Variants in NKAIN2 observed in about 807,000 individuals in gnomAD.
The protein encoded by NKAIN2 is sodium/potassium transporting ATPase interacting 2, also known as sodium/potassium-transporting ATPase subunit beta-1-interacting protein 2.
A neutral mutation model predicts 32.6 loss-of-function variants in NKAIN2; 14 were observed. The observed-to-expected ratio is 0.43, with a 90% CI of 0.28 to 0.67. NKAIN2 has a LOEUF of 0.67. NKAIN2 is among the 30% of genes least tolerant of loss of function. The pLI, the probability that NKAIN2 is intolerant of heterozygous loss-of-function variation, is 0.17. For synonymous variants in NKAIN2, 80 were observed against 87.2 expected (o/e 0.92, Z 0.46); for missense variants, 198 against 258.3 (o/e 0.77, Z 1.60).
At chr6:124,311,960 C>T (rs1796736317) in intron 2 of NKAIN2, among the ~76,000 whole-genome samples, 1 of 152,140 alleles carries the variant, frequency 6.6e-6, no homozygotes, top group African/African-American at 2.4e-5. Context: ...TAGTGGTTAA[C>T]AGGATTGACC....
intron 1 of NKAIN2, among the ~76,000 whole-genome samples, chr6:124,056,395 C>CA (rs1368801343): frequency 1.4e-5 from 2 of 147,800 alleles, no homozygotes. Context: ...ATTCTTGTCA[C>CA]AAAAAAAACT....
chr6:124,223,020 T>A (rs918262061), intron 1 of NKAIN2, among the ~76,000 whole-genome samples: 1 of 151,982 alleles, frequency 6.6e-6, no homozygotes, highest in Non-Finnish European at 1.5e-5. Flanking sequence ...AAGACCAGCC[T>A]GGCCAACATG....
chr6:124,780,657 T>C (rs1263321522), intron 4 of NKAIN2, among the ~76,000 whole-genome samples: 2 of 152,174 alleles, frequency 1.3e-5, no homozygotes, highest in Non-Finnish European at 2.9e-5. Flanking sequence ...TGTCTTTACC[T>C]TGTGAGCAAA....
At chr6:123,998,763 G>C (rs1384826494) in intron 1 of NKAIN2, among the ~76,000 whole-genome samples, 8 of 150,338 alleles carry the variant, frequency 5.3e-5, no homozygotes, top group African/African-American at 2.0e-4. Context: ...GTGTGTGTGT[G>C]TGTGTGTGTG....
chr6:124,572,429 C>T (rs537343077), intron 3 of NKAIN2, among the ~76,000 whole-genome samples: 9 of 152,268 alleles, frequency 5.9e-5, no homozygotes, highest in African/African-American at 2.2e-4. Context: ...TGAGCAAAAA[C>T]AAATTAGAAA....
intron 5 of NKAIN2, among the ~76,000 whole-genome samples, chr6:124,802,407 CAG>C (rs1172281127): frequency 6.6e-6 from 1 of 152,118 alleles, no homozygotes; most frequent in East Asian, 1.9e-4. Context: ...GCAATTCTAA[CAG>C]GGGAGAACAA....
intron 1 of NKAIN2, among the ~76,000 whole-genome samples, chr6:124,221,887 G>T (rs1791850732): frequency 6.6e-6 from 1 of 152,286 alleles, no homozygotes. Context: ...GCTCTAGTTT[G>T]CATGGATCAA....
chr6:124,808,164 A>G (rs1319841312), intron 5 of NKAIN2, among the ~76,000 whole-genome samples: 1 of 151,896 alleles, frequency 6.6e-6, no homozygotes, highest in Admixed American at 6.6e-5. Context: ...TACCAAAGCC[A>G]GGCAGAGACA....
At chr6:123,859,208 A>G (rs1478472508) in intron 1 of NKAIN2, among the ~76,000 whole-genome samples, 1 of 152,186 alleles carries the variant, frequency 6.6e-6, no homozygotes, top group Non-Finnish European at 1.5e-5. Flanking sequence ...TGCTATTAGA[A>G]TTCACTGATG....
intron 4 of NKAIN2, among the ~76,000 whole-genome samples, chr6:124,756,105 T>C (rs1269529831): frequency 6.6e-6 from 1 of 152,132 alleles, no homozygotes; most frequent in East Asian, 1.9e-4. Context: ...ATGCCTGTCT[T>C]TCAGCATACT....
At chr6:124,423,759 C>T (rs942598661) in intron 3 of NKAIN2, among the ~76,000 whole-genome samples, 6 of 152,116 alleles carry the variant, frequency 3.9e-5, no homozygotes, top group African/African-American at 1.4e-4. Flanking sequence ...GATGAAGCAA[C>T]AGGATGTGAT....
chr6:124,287,267 A>C (rs931248627), intron 2 of NKAIN2, among the ~76,000 whole-genome samples: 1 of 152,202 alleles, frequency 6.6e-6, no homozygotes, highest in African/African-American at 2.4e-5. Context: ...TCTGATATTG[A>C]GACTGAGGGC....
intron 4 of NKAIN2, among the ~76,000 whole-genome samples, chr6:124,659,240 G>A (rs1295851133): frequency 1.3e-5 from 2 of 152,100 alleles, no homozygotes; most frequent in African/African-American, 2.4e-5. Context: ...ATGTGCAATT[G>A]ATGTGCATAG....
At chr6:124,419,773 A>G (rs1285850186) in intron 3 of NKAIN2, among the ~76,000 whole-genome samples, 5 of 152,052 alleles carry the variant, frequency 3.3e-5, no homozygotes, top group African/African-American at 1.2e-4. Context: ...TTTATATGTC[A>G]TGGATGAGTT....
chr6:124,419,541 C>T (rs1774651719), intron 3 of NKAIN2, among the ~76,000 whole-genome samples: 1 of 152,106 alleles, frequency 6.6e-6, no homozygotes, highest in Non-Finnish European at 1.5e-5. Flanking sequence ...AAATTTCACA[C>T]CAGAAAAATG....
intron 1 of NKAIN2, among the ~76,000 whole-genome samples, chr6:124,210,719 T>C (rs1019381176): frequency 6.6e-6 from 1 of 151,360 alleles, no homozygotes; most frequent in African/African-American, 2.4e-5. Flanking sequence ...TTTTTTTGTT[T>C]GTTTGTTTTT....
At chr6:123,900,719 A>G (rs377109418) in intron 1 of NKAIN2, among the ~76,000 whole-genome samples, 11 of 151,872 alleles carry the variant, frequency 7.2e-5, no homozygotes, top group South Asian at 2.1e-4. Context: ...GATTGACTTT[A>G]AAAGCTTTTG....
At chr6:124,109,345 T>C (rs761535200) in intron 1 of NKAIN2, among the ~76,000 whole-genome samples, 2 of 151,980 alleles carry the variant, frequency 1.3e-5, no homozygotes, top group Admixed American at 6.6e-5. Flanking sequence ...TTTCAGATAG[T>C]TTTTTGCTAG....
intron 3 of NKAIN2, among the ~76,000 whole-genome samples, chr6:124,604,301 A>G (rs1398220225): frequency 1.3e-5 from 2 of 152,048 alleles, no homozygotes; most frequent in Non-Finnish European, 2.9e-5. Flanking sequence ...ATAATGTGAT[A>G]TAATTGCTAA....
Sources: gnomAD v4.1 joint callset for allele counts (sites outside exome capture counted in the v4.1 genomes callset) on GRCh38, gnomAD v4.1.1 for gene constraint, MANE v1.5 for transcripts, NCBI Gene and HGNC (gene_info 2026-07-23, HGNC 2026-07-21) for gene names.